Variants in UGT1A9 observed in about 807,000 individuals in gnomAD.
UGT1A9 encodes UDP glucuronosyltransferase family 1 member A9.
A neutral mutation model predicts 45.0 loss-of-function variants in UGT1A9; 35 were observed. The observed-to-expected ratio is 0.78, with a 90% CI of 0.59 to 1.03. UGT1A9 has a LOEUF of 1.03. Among genes scored for constraint, UGT1A9 ranks in the 50% least tolerant of loss-of-function variants. UGT1A9 has a pLI of 0.00. For synonymous variants in UGT1A9, 278 were observed against 250.6 expected, an observed-to-expected ratio of 1.11 and a Z score of -1.03; for missense variants, 687 against 666.6, an observed-to-expected ratio of 1.03 and a Z score of -0.34.
intron 1 of UGT1A9, among the ~76,000 whole-genome samples, chr2:233,704,329 A>C (rs1314519852): frequency 7.9e-6 from 1 of 126,880 alleles, no homozygotes; most frequent in African/African-American, 3.3e-5. Flanking sequence ...TTTTCTTTCC[A>C]CTATTTAAAA....
intron 1 of UGT1A9, among the ~76,000 whole-genome samples, chr2:233,695,289 C>A (rs1480722237): frequency 6.6e-6 from 1 of 151,960 alleles, no homozygotes; most frequent in Non-Finnish European, 1.5e-5. Context: ...CCATTCCCAG[C>A]TAATTTTTGC....
At chr2:233,688,287 C>T (rs532357511) in intron 1 of UGT1A9, among the ~76,000 whole-genome samples, 13 of 152,254 alleles carry the variant, frequency 8.5e-5, no homozygotes, top group South Asian at 2.1e-4. Context: ...ATGGATTTAC[C>T]GCATTTTTTT....
intron 1 of UGT1A9, among the ~76,000 whole-genome samples, chr2:233,702,018 GAC>G (rs2075665639): frequency 6.6e-6 from 1 of 151,686 alleles, no homozygotes. Context: ...AGGAAATAGA[GAC>G]ACAAAAAAAA....
chr2:233,676,690 T>C (rs749968657), intron 1 of UGT1A9, among the ~76,000 whole-genome samples: 2 of 152,216 alleles, frequency 1.3e-5, no homozygotes, highest in Non-Finnish European at 2.9e-5. Flanking sequence ...AGGTGTCCTG[T>C]AGAATGTTCC....
intron 1 of UGT1A9, among the ~76,000 whole-genome samples, chr2:233,703,977 G>A (rs139887897): frequency 2.6e-5 from 4 of 151,538 alleles, no homozygotes; most frequent in African/African-American, 4.9e-5. Flanking sequence ...TGCAACCTCC[G>A]CCTCCTGGGT....
At chr2:233,719,330 G>T in intron 1 of UGT1A9, 1 of 1,613,866 alleles carries the variant, frequency 6.2e-7, no homozygotes, top group Admixed American at 1.7e-5. Flanking sequence ...TTCCTGCTGT[G>T]TTTTTTTGGA....
At chr2:233,694,587 A>G (rs2075228279) in intron 1 of UGT1A9, among the ~76,000 whole-genome samples, 1 of 152,196 alleles carries the variant, frequency 6.6e-6, no homozygotes, top group African/African-American at 2.4e-5. Context: ...AATATTTACA[A>G]CTTTGAAGGG....
intron 1 of UGT1A9, among the ~76,000 whole-genome samples, chr2:233,686,535 C>T (rs1362487787): frequency 6.6e-6 from 1 of 152,068 alleles, no homozygotes; most frequent in Non-Finnish European, 1.5e-5. Context: ...AGAACCTAAC[C>T]TTTCCGTGGC....
intron 1 of UGT1A9, chr2:233,748,021 T>C: frequency 1.9e-6 from 3 of 1,613,578 alleles, no homozygotes; most frequent in Non-Finnish European, 2.5e-6. Context: ...AGGCCGATCA[T>C]GCCCAACATG....
intron 1 of UGT1A9, among the ~76,000 whole-genome samples, chr2:233,722,586 G>A (rs1347129726): frequency 6.6e-6 from 1 of 152,110 alleles, no homozygotes; most frequent in Non-Finnish European, 1.5e-5. Flanking sequence ...CTTCGTTAGA[G>A]GACTATTACA....
At chr2:233,688,330 G>A (rs2074887985) in intron 1 of UGT1A9, among the ~76,000 whole-genome samples, 2 of 152,288 alleles carry the variant, frequency 1.3e-5, no homozygotes, top group African/African-American at 2.4e-5. Flanking sequence ...CATTTGGGTT[G>A]TTTCCCATTT....
At chr2:233,689,324 T>C (rs1400176387) in intron 1 of UGT1A9, among the ~76,000 whole-genome samples, 1 of 152,182 alleles carries the variant, frequency 6.6e-6, no homozygotes, top group Non-Finnish European at 1.5e-5. Flanking sequence ...ACATCTACAC[T>C]GAGATTTGCA....
chr2:233,693,106 G>T, intron 1 of UGT1A9: 2 of 1,614,158 alleles, frequency 1.2e-6, no homozygotes, highest in Non-Finnish European at 8.5e-7. Flanking sequence ...TGGTCCCTCA[G>T]GACGGAAGCC....
rs1309329692 is a variant in UGT1A9, at chr2:233,769,709, G to A, written c.1295+1270G>A. 5 of 1,509,378 alleles carry A rather than the reference G, an allele frequency of 3.3e-6. No homozygotes were observed. The highest frequency in any genetic ancestry group is 2.0e-5 in the Admixed American group (1 of 49,512). The allele number at this position is 1,509,378 out of a possible 1,614,324, so 93.5% of individuals were successfully genotyped here. A position where few individuals can be genotyped will look rare whatever the true frequency, so the allele number is the denominator to read the frequency against. ...GGCACTGGATAAAAGATCAATGTTG[G>A]CTAGGCACCATGGCACACGCCTGTA... On this transcript the variant is annotated intron_variant, in intron 4 of 4. Transcript: ENST00000354728. The surrounding 1 kb of genome is among the most constrained non-coding windows in gnomAD (Gnocchi z 4.4).
intron 1 of UGT1A9, among the ~76,000 whole-genome samples, chr2:233,712,488 T>C (rs2076236717): frequency 1.3e-5 from 2 of 152,212 alleles, no homozygotes; most frequent in Admixed American, 1.3e-4. Flanking sequence ...TAAAGAAAGC[T>C]GGCTTAGCAA....
chr2:233,687,732 G>C (rs1405832632), intron 1 of UGT1A9, among the ~76,000 whole-genome samples: 1 of 151,936 alleles, frequency 6.6e-6, no homozygotes, highest in Non-Finnish European at 1.5e-5. Context: ...GGGAGACACT[G>C]TCTCTACAAA....
intron 1 of UGT1A9, chr2:233,743,270 C>T (rs538069492): frequency 2.1e-6 from 1 of 467,964 alleles, no homozygotes; most frequent in East Asian, 7.0e-5. Context: ...TCCTCCACTT[C>T]CACCCTTTCT....
At chr2:233,699,814 A>G (rs2075525591) in intron 1 of UGT1A9, among the ~76,000 whole-genome samples, 1 of 152,256 alleles carries the variant, frequency 6.6e-6, no homozygotes, top group Non-Finnish European at 1.5e-5. Flanking sequence ...TCATCTAAAT[A>G]GTAGTTCTCA....
chr2:233,747,798 A>T (rs1693779334), intron 1 of UGT1A9: 1 of 1,613,348 alleles, frequency 6.2e-7, no homozygotes, highest in Non-Finnish European at 8.5e-7. Context: ...CTATATTCCT[A>T]AGTTACTAAC....
Sources: allele counts gnomAD v4.1 joint callset (sites outside exome capture counted in the v4.1 genomes callset), GRCh38; gene constraint gnomAD v4.1.1; non-coding constraint Gnocchi (gnomAD v3.1); transcripts MANE v1.5; gene names NCBI Gene and HGNC (gene_info 2026-07-23, HGNC 2026-07-21).